The following PRKN variants were observed in gnomAD, a reference collection of about 807,000 sequenced individuals.
PRKN encodes E3 ubiquitin-protein ligase parkin.
A neutral mutation model predicts 59.5 loss-of-function variants in PRKN; 56 were observed. The ratio of observed to expected loss-of-function variants is 0.94; its 90% CI spans 0.76 to 1.18. PRKN has a LOEUF of 1.18. PRKN is among the 50% of genes most tolerant of loss of function. The pLI, the probability that PRKN is intolerant of heterozygous loss-of-function variation, is 0.00. For missense variants in PRKN, 657 were observed against 596.4 expected, an observed-to-expected ratio of 1.10 and a Z score of -1.06; for synonymous variants, 250 against 222.1, an observed-to-expected ratio of 1.13 and a Z score of -1.12.
At chr6:161,631,650 G>C (rs971131198) in intron 7 of PRKN, among the ~76,000 whole-genome samples, 4 of 152,132 alleles carry the variant, frequency 2.6e-5, no homozygotes, top group Non-Finnish European at 5.9e-5. Context: ...TTCATTCAAT[G>C]GGGAGATAAA....
At chr6:161,412,318 CCACTCACTCATTCCTT>C (rs1242479924) in intron 9 of PRKN, among the ~76,000 whole-genome samples, 11 of 150,432 alleles carry the variant, frequency 7.3e-5, no homozygotes, top group Non-Finnish European at 1.2e-4. Context: ...ACTCATTCGT[CCACTCACTCATTCCTT>C]CACTCACTCA....
chr6:161,620,830 G>A (rs562151758), intron 7 of PRKN, among the ~76,000 whole-genome samples: 6 of 152,304 alleles, frequency 3.9e-5, no homozygotes, highest in South Asian at 2.1e-4. Flanking sequence ...CAGAGACAAC[G>A]TGTCTTTGGT....
At chr6:161,670,494 G>A (rs1784868679) in intron 7 of PRKN, among the ~76,000 whole-genome samples, 2 of 152,078 alleles carry the variant, frequency 1.3e-5, no homozygotes, top group African/African-American at 2.4e-5. Context: ...TCCTCTCTGT[G>A]TCTTTGTGTC....
intron 2 of PRKN, among the ~76,000 whole-genome samples, chr6:162,420,245 T>A (rs1337974273): frequency 1.6e-5 from 2 of 124,248 alleles, no homozygotes; most frequent in Non-Finnish European, 3.3e-5. Flanking sequence ...ATTCTTCACA[T>A]GTACATTTCA....
chr6:161,732,248 G>A (rs775029435), intron 7 of PRKN, among the ~76,000 whole-genome samples: 30 of 151,978 alleles, frequency 2.0e-4, no homozygotes, highest in Non-Finnish European at 4.0e-4. Flanking sequence ...CACCATGCCT[G>A]GCTAATTTTT....
chr6:161,618,179 G>A (rs1444199124), intron 7 of PRKN, among the ~76,000 whole-genome samples: 1 of 152,202 alleles, frequency 6.6e-6, no homozygotes, highest in Non-Finnish European at 1.5e-5. Flanking sequence ...CGTACATGAA[G>A]TGTTTGGTGT....
At chr6:162,511,165 T>G (rs576283067) in intron 1 of PRKN, among the ~76,000 whole-genome samples, 2 of 152,172 alleles carry the variant, frequency 1.3e-5, no homozygotes, top group Non-Finnish European at 2.9e-5. Flanking sequence ...TGTCCCCTTT[T>G]ATATGTTTTC....
chr6:162,315,454 GC>G (rs1782715743), intron 2 of PRKN, among the ~76,000 whole-genome samples: 1 of 152,160 alleles, frequency 6.6e-6, no homozygotes, highest in African/African-American at 2.4e-5. Flanking sequence ...AAGCAGGGTT[GC>G]CAGGGTAGGC....
intron 2 of PRKN, among the ~76,000 whole-genome samples, chr6:162,385,096 TATTA>T (rs1208521068): frequency 4.6e-5 from 7 of 152,256 alleles, no homozygotes; most frequent in Middle Eastern, 3.4e-3. Flanking sequence ...TACAGAATCA[TATTA>T]ATTATCTTTT....
At position 161,473,660 on chromosome 6, in the gene PRKN, A is replaced by G. The variant is rs548127802; in HGVS notation, c.1083+75194T>C. Among the ~76,000 whole-genome samples, 1 of 129,766 alleles carries G rather than the reference A, an allele frequency of 7.7e-6. No individual in the cohort carries two copies. Among genetic ancestry groups the G allele is most frequent in the Non-Finnish European group, 1.6e-5 (1 of 61,208 alleles). 85.1% of individuals were successfully genotyped at this position (129,766 alleles called of 152,430 possible). A position where few individuals can be genotyped will look rare whatever the true frequency, so the allele number is the denominator to read the frequency against. ...GACAAATATTCTAGAAATGTACTAG[A>G]GGACTATAATTATAATATTGTATAA... On this transcript the variant is annotated intron_variant, in intron 9 of 11. Transcript: ENST00000366898. The surrounding 1 kb of genome is among the most constrained non-coding windows in gnomAD (Gnocchi z 4.1).
chr6:161,955,432 T>A (rs574860005), intron 6 of PRKN, among the ~76,000 whole-genome samples: 2 of 152,350 alleles, frequency 1.3e-5, no homozygotes, highest in African/African-American at 4.8e-5. Context: ...TTACAGAGAA[T>A]ATTTACTAAA....
At chr6:162,295,542 A>C (rs185551698) in intron 2 of PRKN, among the ~76,000 whole-genome samples, 57 of 152,282 alleles carry the variant, frequency 3.7e-4, no homozygotes, top group Admixed American at 3.5e-3. Context: ...TTCTGACTTT[A>C]GATCTCCTAT....
At chr6:162,664,668 G>T (rs546905539) in intron 1 of PRKN, among the ~76,000 whole-genome samples, 11 of 152,006 alleles carry the variant, frequency 7.2e-5, no homozygotes, top group Middle Eastern at 3.4e-3. Flanking sequence ...TTTTTCATAT[G>T]TTTGTTGGCT....
At chr6:162,543,155 C>T (rs950422356) in intron 1 of PRKN, among the ~76,000 whole-genome samples, 11 of 152,140 alleles carry the variant, frequency 7.2e-5, no homozygotes, top group Admixed American at 6.5e-5. Context: ...ACACAGTATC[C>T]TAATTTTCCT....
At chr6:162,182,065 GAGAA>G (rs5881460) in intron 4 of PRKN, among the ~76,000 whole-genome samples, 51,941 of 151,740 alleles carry the variant, frequency 0.34, 8,994 homozygotes, top group Middle Eastern at 0.49. Context: ...ATAATGTGTA[GAGAA>G]AGAAAGGAAC....
At chr6:162,458,280 C>A (rs1420168545) in intron 1 of PRKN, among the ~76,000 whole-genome samples, 3 of 101,894 alleles carry the variant, frequency 2.9e-5, no homozygotes, top group Non-Finnish European at 6.4e-5. Flanking sequence ...AAAAAAATTA[C>A]CTGGGTGTGG....
chr6:162,453,200 C>CAGGGAGTAA (rs1790708901), intron 1 of PRKN, among the ~76,000 whole-genome samples: 2 of 152,126 alleles, frequency 1.3e-5, no homozygotes, highest in East Asian at 3.9e-4. Context: ...CTACCCTCCT[C>CAGGGAGTAA]AGGGAGTAAG....
intron 5 of PRKN, among the ~76,000 whole-genome samples, chr6:161,975,440 GTTAT>G (rs1281773571): frequency 2.6e-5 from 4 of 152,110 alleles, no homozygotes; most frequent in South Asian, 2.1e-4. Flanking sequence ...TTTAATCAAT[GTTAT>G]TTATCATTTA....
chr6:161,489,232 G>GAAAA (rs35552619), intron 9 of PRKN, among the ~76,000 whole-genome samples: 1 of 147,580 alleles, frequency 6.8e-6, no homozygotes, highest in Non-Finnish European at 1.5e-5. Context: ...ATTCATACTG[G>GAAAA]AAAAAAAAAA....
Sources: allele counts gnomAD v4.1 joint callset (sites outside exome capture counted in the v4.1 genomes callset), GRCh38; gene constraint gnomAD v4.1.1; non-coding constraint Gnocchi (gnomAD v3.1); transcripts MANE v1.5; gene names NCBI Gene and HGNC (gene_info 2026-07-23, HGNC 2026-07-21).